The following MCTP2 variants were observed in gnomAD, a reference collection of about 807,000 sequenced individuals.
MCTP2 encodes the protein multiple C2 and transmembrane domain containing 2.
Under a neutral mutation model 111.6 loss-of-function variants are expected in MCTP2, and 132 were observed. That is an observed-to-expected ratio of 1.18 (90% CI 1.03 to 1.37). The LOEUF is 1.37. Among genes scored for constraint, MCTP2 ranks in the 40% most tolerant of loss-of-function variants. The pLI is 0.00. For missense variants in MCTP2, 1,183 were observed against 1,067.9 expected, an observed-to-expected ratio of 1.11 and a Z score of -1.50; for synonymous variants, 395 against 387.7, an observed-to-expected ratio of 1.02 and a Z score of -0.22.
intron 1 of MCTP2, among the ~76,000 whole-genome samples, chr15:94,245,688 A>G (rs1004647220): frequency 6.8e-6 from 1 of 146,146 alleles, no homozygotes; most frequent in African/African-American, 2.5e-5. Context: ...GTATGTGTAT[A>G]CATATATAAA....
intron 1 of MCTP2, among the ~76,000 whole-genome samples, chr15:94,288,592 A>G (rs2074877477): frequency 6.6e-6 from 1 of 152,244 alleles, no homozygotes; most frequent in Non-Finnish European, 1.5e-5. Context: ...GCATCTTTGT[A>G]GACTTAAATA....
chr15:94,371,660 G>A (rs2079493317), intron 12 of MCTP2, among the ~76,000 whole-genome samples: 1 of 152,058 alleles, frequency 6.6e-6, no homozygotes, highest in African/African-American at 2.4e-5. Context: ...TTGAAGGCTT[G>A]TTTACAACAA....
chr15:94,328,743 G>A (rs1056328330), intron 4 of MCTP2, among the ~76,000 whole-genome samples: 9 of 152,148 alleles, frequency 5.9e-5, no homozygotes, highest in African/African-American at 1.2e-4. Flanking sequence ...CCATGTGTTC[G>A]TGAATTCTGG....
Position 94,356,149 on chromosome 15 carries a change from C to A in MCTP2, c.1018C>A (p.Arg340Ser). Residue 340 changes from arginine to serine, a missense_variant, in exon 9 of 23, where the codon CGC becomes AGC. Arg to Ser is a moderately radical substitution (Grantham distance 110, BLOSUM62 -1). Coordinates refer to ENST00000357742, the MANE Select transcript of MCTP2 (RefSeq NM_001385001.1). ...RLSASKSSLIRNLRLSESLKK... is the reference protein window; with the variant it reads ...RLSASKSSLISNLRLSESLKK... ...TTTTTTGCTTTAGTCCTCTTTGATACGCAACCTACGGCTCTCTGAGTCCTT... is the reference window on the plus strand; with the variant it reads ...TTTTTTGCTTTAGTCCTCTTTGATAAGCAACCTACGGCTCTCTGAGTCCTT... The A allele has an allele frequency of 6.3e-7, 1 of 1,596,020 alleles. No homozygotes were observed. The highest frequency in any genetic ancestry group is 1.2e-5 in the South Asian group (1 of 86,922).
At chr15:94,284,403 T>TA (rs2074652229) in intron 1 of MCTP2, among the ~76,000 whole-genome samples, 1 of 152,208 alleles carries the variant, frequency 6.6e-6, no homozygotes, top group Admixed American at 6.5e-5. Flanking sequence ...TGTAGTGGTA[T>TA]AATAGAGTTA....
chr15:94,236,370 TTTTTTTC>T lies in MCTP2; in HGVS notation c.-66+4713_-66+4719del, dbSNP rs1310985116. 2.3e-4 allele frequency among the ~76,000 whole-genome samples: 32 copies of T among 139,880 alleles called. No individual in the cohort carries two copies. In the East Asian group the frequency reaches 6.0e-3, roughly 26 times the overall value. 91.8% of individuals were successfully genotyped at this position (139,880 alleles called of 152,430 possible). On this transcript the variant is annotated intron_variant, in intron 1 of 22. Transcript: ENST00000357742. ...AGTTGCCTATGATTCAATCCTTTCT[TTTTTTTC>T]TTTTTTTTTTTTTTTTTTTTTTTTT...
intron 14 of MCTP2, 97 bp from the exon 15 acceptor site, chr15:94,398,864 G>T (rs1420795564): frequency 4.5e-6 from 3 of 664,508 alleles, no homozygotes; most frequent in Non-Finnish European, 8.2e-6. Context: ...TGTGATCATT[G>T]TGCATCCCCA....
chr15:94,398,545 T>C (rs1220415191), intron 14 of MCTP2, among the ~76,000 whole-genome samples: 1 of 152,236 alleles, frequency 6.6e-6, no homozygotes, highest in Non-Finnish European at 1.5e-5. Flanking sequence ...CAATCCAGAA[T>C]ACCACATTGC....
intron 1 of MCTP2, among the ~76,000 whole-genome samples, chr15:94,270,613 G>T (rs986821026): frequency 6.6e-6 from 1 of 151,958 alleles, no homozygotes; most frequent in African/African-American, 2.4e-5. Flanking sequence ...CATCTCCCCA[G>T]GTGGGCTGCC....
chr15:94,317,251 C>G (rs780977345), intron 4 of MCTP2, among the ~76,000 whole-genome samples: 1 of 152,048 alleles, frequency 6.6e-6, no homozygotes, highest in Non-Finnish European at 1.5e-5. Context: ...TTCTCTGGAG[C>G]GGTTTGCTTA....
intron 14 of MCTP2, among the ~76,000 whole-genome samples, chr15:94,395,371 T>G (rs542277570): frequency 3.3e-5 from 5 of 152,312 alleles, no homozygotes; most frequent in African/African-American, 1.2e-4. Flanking sequence ...GACCCTTTAG[T>G]TTGGATTTTG....
At chr15:94,440,892 C>T (rs555579798) in intron 18 of MCTP2, among the ~76,000 whole-genome samples, 19 of 152,276 alleles carry the variant, frequency 1.2e-4, no homozygotes, top group African/African-American at 4.3e-4. Flanking sequence ...CTCTCCGCAT[C>T]TACTCATCTC....
intron 8 of MCTP2, among the ~76,000 whole-genome samples, chr15:94,345,990 C>T (rs2077959466): frequency 6.6e-6 from 1 of 151,814 alleles, no homozygotes; most frequent in African/African-American, 2.4e-5. Context: ...TTTGCACACC[C>T]ACATATATGT....
intron 10 of MCTP2, among the ~76,000 whole-genome samples, chr15:94,364,341 G>A (rs2079080239): frequency 6.6e-6 from 1 of 152,126 alleles, no homozygotes; most frequent in African/African-American, 2.4e-5. Flanking sequence ...AACAGGGAAA[G>A]GCTAATCCTG....
At chr15:94,262,496 A>G (rs987093214) in intron 1 of MCTP2, among the ~76,000 whole-genome samples, 1 of 152,236 alleles carries the variant, frequency 6.6e-6, no homozygotes, top group African/African-American at 2.4e-5. Flanking sequence ...AGTGATTGCA[A>G]GATATAGGAA....
In MCTP2 at chr15:94,244,453, T is replaced by C. The variant is rs376428474; in HGVS notation, c.-66+12789T>C. Among the ~76,000 whole-genome samples, 11 of 149,336 alleles carry C rather than the reference T, an allele frequency of 7.4e-5. No individual in the cohort carries two copies. The East Asian group carries it at 1.4e-3, about 19-fold the overall frequency. On this transcript the variant is annotated intron_variant, in intron 1 of 22. Coordinates refer to ENST00000357742, the MANE Select transcript of MCTP2 (RefSeq NM_001385001.1). ...ATGCACCTATGTTTATATACGTATA[T>C]GTATACACATACATATGCACCTATG...
chr15:94,274,329 T>A (rs148000121), intron 1 of MCTP2, among the ~76,000 whole-genome samples: 2 of 152,184 alleles, frequency 1.3e-5, no homozygotes, highest in African/African-American at 4.8e-5. Flanking sequence ...GGTCTGAAAA[T>A]CAATATCTAA....
intron 1 of MCTP2, among the ~76,000 whole-genome samples, chr15:94,283,861 T>TA (rs1309282308): frequency 6.6e-6 from 1 of 152,176 alleles, no homozygotes; most frequent in Non-Finnish European, 1.5e-5. Context: ...CACAATACAT[T>TA]AAAAAATTGA....
At chr15:94,254,592 T>C (rs1452459948) in intron 1 of MCTP2, among the ~76,000 whole-genome samples, 2 of 152,214 alleles carry the variant, frequency 1.3e-5, no homozygotes, top group African/African-American at 4.8e-5. Context: ...TTTGGAAATA[T>C]CACAAATGTG....
Sources: allele counts gnomAD v4.1 joint callset (sites outside exome capture counted in the v4.1 genomes callset), GRCh38; gene constraint gnomAD v4.1.1; transcripts MANE v1.5; gene names NCBI Gene and HGNC (gene_info 2026-07-23, HGNC 2026-07-21).